GRM7: variants seen among roughly 807,000 people sequenced by gnomAD.
GRM7 encodes glutamate metabotropic receptor 7.
In GRM7, 35 loss-of-function variants were observed where a neutral mutation model predicts 84.5. That is an observed-to-expected ratio of 0.41 (90% confidence interval 0.32 to 0.55). The LOEUF is 0.55. Ranked by LOEUF, GRM7 falls within the 20% of genes least tolerant of loss-of-function variation. GRM7 has a pLI of 0.19. For synonymous variants in GRM7, 487 were observed against 455.1 expected, an observed-to-expected ratio of 1.07 and a Z score of -0.89; for missense variants, 1,003 against 1,194.6, an observed-to-expected ratio of 0.84 and a Z score of 2.36.
In GRM7 at chr3:6,955,301, C is replaced by T. The variant is rs367592809; in HGVS notation, c.519+93394C>T. On this transcript the variant is annotated intron_variant, in intron 1 of 9. Transcript: ENST00000357716. ...CTGTAATCCCAGCACTTTGGGAGGC[C>T]GATGCGGGCAGATCACCTGAGACCA... Among the ~76,000 whole-genome samples the T allele has an allele frequency of 2.9e-3, 445 of 151,990 alleles. 1 individual carries two copies. The highest frequency in any genetic ancestry group is 9.6e-3 in the African/African-American group (399 of 41,466).
At chr3:7,711,941 T>A (rs1559501205) in intron 9 of GRM7, among the ~76,000 whole-genome samples, 1 of 152,198 alleles carries the variant, frequency 6.6e-6, no homozygotes, top group Non-Finnish European at 1.5e-5. Flanking sequence ...AGAAGATATT[T>A]CAAGATTTTT....
intron 2 of GRM7, among the ~76,000 whole-genome samples, chr3:7,147,772 A>G (rs946298653): frequency 6.6e-5 from 10 of 152,208 alleles, no homozygotes; most frequent in Admixed American, 4.6e-4. Flanking sequence ...GATCTGTGAG[A>G]TTCTTATTCT....
chr3:7,222,060 C>G (rs1176751161), intron 2 of GRM7, among the ~76,000 whole-genome samples: 2 of 152,062 alleles, frequency 1.3e-5, no homozygotes, highest in Non-Finnish European at 2.9e-5. Context: ...CTGCCCATCT[C>G]AGCCTCCCAA....
At position 7,578,532 on chromosome 3, in the gene GRM7, T is replaced by G; in HGVS notation, c.1626T>G (p.Cys542Trp). ...AGACACAGAAAGGAACTCCTTGCTG[T>G]TGGACCTGTGAGCCTTGCGATGGTT... is the stretch of plus-strand genomic sequence containing the variant. ...RKKTQKGTPC[C>W]WTCEPCDGYQ... is the part of the protein sequence containing the mutation. The change falls in exon 8 of 10, where the codon TGT becomes TGG. Residue 542 changes from cysteine (C) to tryptophan (W), a missense_variant. By Grantham distance (215) the Cys-to-Trp change is radical (BLOSUM62 -2). Around this residue, in one of 2 missense-constraint regions of GRM7, gnomAD observed 910 missense variants for 1,126.0 expected, o/e 0.81. Transcript: ENST00000357716. 6.2e-7 allele frequency: 1 copy of G among 1,614,004 alleles called. No homozygotes were observed. The highest frequency in any genetic ancestry group is 8.5e-7 in the Non-Finnish European group (1 of 1,179,902).
intron 2 of GRM7, among the ~76,000 whole-genome samples, chr3:7,168,812 T>C (rs1425955248): frequency 6.6e-6 from 1 of 152,168 alleles, no homozygotes; most frequent in African/African-American, 2.4e-5. Flanking sequence ...CCTAAGGTAA[T>C]GGCCAACTTC....
chr3:6,896,888 G>T (rs148216618), intron 1 of GRM7, among the ~76,000 whole-genome samples: 54 of 152,188 alleles, frequency 3.5e-4, no homozygotes, highest in African/African-American at 1.3e-3. Context: ...CTTCAACTGT[G>T]CTCCAACAAT....
chr3:7,730,160 A>C (rs1651071399), intron 9 of GRM7, among the ~76,000 whole-genome samples: 1 of 151,258 alleles, frequency 6.6e-6, no homozygotes, highest in South Asian at 2.1e-4. Flanking sequence ...GGCGCCCACC[A>C]CCACACCTGG....
At chr3:7,041,213 A>C (rs1035289715) in intron 1 of GRM7, among the ~76,000 whole-genome samples, 1 of 152,186 alleles carries the variant, frequency 6.6e-6, no homozygotes, top group Non-Finnish European at 1.5e-5. Context: ...TCTTAGGTGT[A>C]TACATATCAC....
chr3:7,200,445 G>T (rs191257309), intron 2 of GRM7, among the ~76,000 whole-genome samples: 2 of 152,164 alleles, frequency 1.3e-5, no homozygotes, highest in Non-Finnish European at 1.5e-5. Context: ...AATAATGTGG[G>T]CATCTTGATA....
chr3:7,489,111 C>G (rs925588543), intron 7 of GRM7, among the ~76,000 whole-genome samples: 1 of 152,094 alleles, frequency 6.6e-6, no homozygotes, highest in African/African-American at 2.4e-5. Context: ...CTACCCTCCT[C>G]AGAGTATTAA....
chr3:6,980,413 T>G (rs1193988837), intron 1 of GRM7, among the ~76,000 whole-genome samples: 1 of 152,146 alleles, frequency 6.6e-6, no homozygotes, highest in Non-Finnish European at 1.5e-5. Context: ...GTTCTTTGTA[T>G]TCCCAACAAT....
At chr3:6,898,673 T>G (rs571071241) in intron 1 of GRM7, among the ~76,000 whole-genome samples, 1 of 152,110 alleles carries the variant, frequency 6.6e-6, no homozygotes, top group African/African-American at 2.4e-5. Flanking sequence ...AGGTTACCTA[T>G]TTTGGCTATT....
At chr3:7,174,096 G>A (rs1324331974) in intron 2 of GRM7, among the ~76,000 whole-genome samples, 1 of 152,142 alleles carries the variant, frequency 6.6e-6, no homozygotes, top group Non-Finnish European at 1.5e-5. Context: ...TTTGAAGGGT[G>A]GCTAGTTTCT....
intron 8 of GRM7, among the ~76,000 whole-genome samples, chr3:7,596,177 A>G (rs573024834): frequency 6.6e-6 from 1 of 152,282 alleles, no homozygotes; most frequent in Admixed American, 6.5e-5. Flanking sequence ...GGTACAAACA[A>G]AAGGGACAAA....
At chr3:6,941,682 A>T (rs1195977838) in intron 1 of GRM7, among the ~76,000 whole-genome samples, 1 of 152,222 alleles carries the variant, frequency 6.6e-6, no homozygotes, top group Non-Finnish European at 1.5e-5. Context: ...TGATGTAGAA[A>T]TAATAGTTTT....
intron 5 of GRM7, among the ~76,000 whole-genome samples, chr3:7,441,737 C>T (rs770148667): frequency 2.0e-5 from 3 of 151,978 alleles, no homozygotes; most frequent in Non-Finnish European, 4.4e-5. Context: ...TTGAGTGAAT[C>T]CTTTTCCCAT....
At chr3:7,570,140 T>C (rs1575505749) in intron 7 of GRM7, among the ~76,000 whole-genome samples, 1 of 152,100 alleles carries the variant, frequency 6.6e-6, no homozygotes, top group East Asian at 1.9e-4. Flanking sequence ...ATTGTGGGGT[T>C]TACAATTCAA....
chr3:7,212,022 A>G (rs550631933), intron 2 of GRM7, among the ~76,000 whole-genome samples: 102 of 151,954 alleles, frequency 6.7e-4, no homozygotes, highest in African/African-American at 2.4e-3. Context: ...ATCAACTAGC[A>G]TAGGCCTGAA....
chr3:7,231,079 G>A (rs1697180949), intron 2 of GRM7, among the ~76,000 whole-genome samples: 1 of 152,132 alleles, frequency 6.6e-6, no homozygotes, highest in African/African-American at 2.4e-5. Context: ...TTGGGTGGTA[G>A]GGAATTAGCT....
Sources: gnomAD v4.1 joint callset for allele counts (sites outside exome capture counted in the v4.1 genomes callset) on GRCh38, gnomAD v4.1.1 for gene constraint, gnomAD v4.1.1 regional missense constraint, MANE v1.5 for transcripts, NCBI Gene and HGNC (gene_info 2026-07-23, HGNC 2026-07-21) for gene names.